Variants in TBX15 observed in about 807,000 individuals in gnomAD.
The protein encoded by TBX15 is T-box transcription factor 15.
A neutral mutation model predicts 53.9 loss-of-function variants in TBX15; 18 were observed. The ratio of observed to expected loss-of-function variants is 0.33; its 90% CI spans 0.23 to 0.49. TBX15 has a LOEUF of 0.49. Among genes scored for constraint, TBX15 ranks in the 20% least tolerant of loss-of-function variants. The probability of loss-of-function intolerance (pLI) is 0.98; values close to 1 mark genes in which losing one functional copy is unlikely to be tolerated. For missense variants in TBX15, 692 were observed against 749.5 expected (o/e 0.92, Z 0.90); for synonymous variants, 295 against 278.0 (o/e 1.06, Z -0.61).
At position 118,924,726 on chromosome 1, in the gene TBX15, A is replaced by G; in HGVS notation, c.613T>C (p.Ser205Pro). 1.9e-6 allele frequency: 3 copies of G among 1,614,092 alleles called. No individual in the cohort carries two copies. The highest frequency in any genetic ancestry group is 2.5e-6 in the Non-Finnish European group (3 of 1,179,978). The change falls in exon 4 of 8, where the codon TCT (serine) becomes CCT (proline). Residue 205 changes from serine (S) to proline (P), a missense_variant. Coordinates refer to ENST00000369429, the MANE Select transcript of TBX15 (RefSeq NM_001330677.2). The part of the protein sequence containing the change: ...RVYIHPDSLA[S>P]GDTWMRQVVS... ...ACCTGTCTCATCCAGGTGTCTCCAGAAGCTAGAGAATCAGGGTGTATATAA... is the reference window on the plus strand; with the variant it reads ...ACCTGTCTCATCCAGGTGTCTCCAGGAGCTAGAGAATCAGGGTGTATATAA...
intron 7 of TBX15, among the ~76,000 whole-genome samples, chr1:118,888,134 C>T (rs1264282623): frequency 6.6e-6 from 1 of 152,016 alleles, no homozygotes; most frequent in African/African-American, 2.4e-5. Context: ...TTGTAAATAC[C>T]ACTGAGAGAA....
chr1:118,910,946 G>C (rs1450078324), intron 6 of TBX15, among the ~76,000 whole-genome samples: 3 of 152,204 alleles, frequency 2.0e-5, no homozygotes, highest in Non-Finnish European at 4.4e-5. Context: ...TATACAGTTT[G>C]ATTTACTTGG....
At chr1:118,967,210 G>T (rs918709878) in intron 1 of TBX15, among the ~76,000 whole-genome samples, 1 of 152,050 alleles carries the variant, frequency 6.6e-6, no homozygotes, top group Non-Finnish European at 1.5e-5. Flanking sequence ...AAAAGAAAAG[G>T]GTTGACCTCG....
intron 6 of TBX15, among the ~76,000 whole-genome samples, chr1:118,902,896 T>A (rs922755603): frequency 6.6e-6 from 1 of 152,168 alleles, no homozygotes; most frequent in African/African-American, 2.4e-5. Context: ...TTGTAAAATT[T>A]TATCTCCAAG....
At chr1:118,907,950 T>C (rs1316753848) in intron 6 of TBX15, among the ~76,000 whole-genome samples, 3 of 152,124 alleles carry the variant, frequency 2.0e-5, no homozygotes, top group Admixed American at 1.3e-4. Flanking sequence ...CAGAGCCAGA[T>C]CAGAGGGTCT....
At position 118,936,579 on chromosome 1, in the gene TBX15, A is replaced by G. The variant is rs111756052; in HGVS notation, c.206-4747T>C. ...AAAAGTTATATATTTATGATAAAGC[A>G]TAGTGTAATGGTTCTATTGATAATA... On this transcript the variant is annotated intron_variant, in intron 1 of 7. Coordinates refer to ENST00000369429, the MANE Select transcript of TBX15 (RefSeq NM_001330677.2). Among the ~76,000 whole-genome samples the G allele has an allele frequency of 1.7e-3, 265 of 152,264 alleles. 1 individual carries two copies. Among genetic ancestry groups the G allele is most frequent in the African/African-American group, 5.9e-3 (246 of 41,564 alleles).
intron 6 of TBX15, among the ~76,000 whole-genome samples, chr1:118,904,856 C>T (rs2101530856): frequency 6.6e-6 from 1 of 152,276 alleles, no homozygotes; most frequent in East Asian, 1.9e-4. Context: ...GGCTAGATTA[C>T]CTGGCTTCAA....
chr1:118,908,755 C>CTG (rs1375725451), intron 6 of TBX15, among the ~76,000 whole-genome samples: 1 of 151,930 alleles, frequency 6.6e-6, no homozygotes, highest in Non-Finnish European at 1.5e-5. Context: ...GTCTCTCTCT[C>CTG]TCTCTCTCAC....
At chr1:118,958,697 A>T (rs1228235282) in intron 1 of TBX15, among the ~76,000 whole-genome samples, 2 of 152,122 alleles carry the variant, frequency 1.3e-5, no homozygotes, top group African/African-American at 4.8e-5. Context: ...CCAGAGAAGT[A>T]GCTAAACCTC....
intron 3 of TBX15, among the ~76,000 whole-genome samples, chr1:118,926,238 T>G (rs56184857): frequency 5.9e-5 from 9 of 152,132 alleles, no homozygotes; most frequent in African/African-American, 2.2e-4. Context: ...CTTCCAATGT[T>G]AATTAAATTA....
chr1:118,939,171 C>G (rs1488822319), intron 1 of TBX15, among the ~76,000 whole-genome samples: 4 of 151,946 alleles, frequency 2.6e-5, no homozygotes, highest in Non-Finnish European at 5.9e-5. Context: ...CTTTGGAAAG[C>G]TGACGCAGGC....
intron 5 of TBX15, among the ~76,000 whole-genome samples, chr1:118,920,812 G>A (rs1390841172): frequency 1.3e-5 from 2 of 152,154 alleles, no homozygotes; most frequent in Non-Finnish European, 2.9e-5. Flanking sequence ...TCTGTCAGTA[G>A]AAGCAAAAGA....
At chr1:118,979,322 C>T (rs1026217439) in intron 1 of TBX15, among the ~76,000 whole-genome samples, 49 of 151,908 alleles carry the variant, frequency 3.2e-4, no homozygotes, top group African/African-American at 1.2e-3. Flanking sequence ...TGGGCGTCAG[C>T]GTCCCTGCCT....
intron 1 of TBX15, among the ~76,000 whole-genome samples, chr1:118,942,587 C>A (rs949754182): frequency 2.0e-5 from 3 of 152,190 alleles, no homozygotes; most frequent in Admixed American, 1.3e-4. Context: ...CTCCTGACAT[C>A]ATAACCTGAA....
chr1:118,898,181 C>T (rs569753771), intron 7 of TBX15, among the ~76,000 whole-genome samples: 24 of 152,284 alleles, frequency 1.6e-4, no homozygotes, highest in Admixed American at 3.9e-4. Flanking sequence ...TGATAAGAGC[C>T]TAGCCTAGAC....
intron 1 of TBX15, among the ~76,000 whole-genome samples, chr1:118,984,758 GC>G (rs1223332349): frequency 2.0e-5 from 3 of 152,174 alleles, no homozygotes; most frequent in Admixed American, 6.5e-5. Context: ...GTTTTTCGGG[GC>G]CACCAGGCTC....
At chr1:118,933,373 T>G (rs947149207) in intron 1 of TBX15, among the ~76,000 whole-genome samples, 1 of 152,016 alleles carries the variant, frequency 6.6e-6, no homozygotes. Context: ...AAAGGGGAAG[T>G]TTCTGACCAA....
chr1:118,886,015 C>T (rs994912043), intron 7 of TBX15, among the ~76,000 whole-genome samples: 2 of 152,108 alleles, frequency 1.3e-5, no homozygotes, highest in African/African-American at 4.8e-5. Flanking sequence ...AGGACACCAA[C>T]GCGGGACCCT....
chr1:118,898,960 T>C (rs1654519492), intron 7 of TBX15, 68 bp downstream of exon 7: 8 of 1,492,970 alleles, frequency 5.4e-6, no homozygotes, highest in South Asian at 2.3e-5. Flanking sequence ...AGATGTGCTA[T>C]ATTCGGTTGA....
Sources: gnomAD v4.1 joint callset for allele counts (sites outside exome capture counted in the v4.1 genomes callset) on GRCh38, gnomAD v4.1.1 for gene constraint, MANE v1.5 for transcripts, NCBI Gene and HGNC (gene_info 2026-07-23, HGNC 2026-07-21) for gene names.